The following COX20 variants were observed in gnomAD, a reference collection of about 807,000 sequenced individuals.
COX20 encodes the protein cytochrome c oxidase assembly factor COX20, also known as cytochrome c oxidase assembly protein COX20, mitochondrial.
COX20 carries 14 observed loss-of-function variants against 14.3 expected under a neutral mutation model. That is an observed-to-expected ratio of 0.98 (90% CI 0.65 to 1.53). The LOEUF is 1.53. Among genes scored for constraint, COX20 ranks in the 40% most tolerant of loss-of-function variants. COX20 has a pLI of 0.00. For missense variants in COX20, 149 were observed against 142.1 expected, an observed-to-expected ratio of 1.05 and a Z score of -0.25; for synonymous variants, 56 against 51.7, an observed-to-expected ratio of 1.08 and a Z score of -0.36.
chr1:244,835,608 G>C (rs1679941100), upstream of COX20: 2 of 846,474 alleles, frequency 2.4e-6, no homozygotes, highest in Non-Finnish European at 1.6e-6. Flanking sequence ...GGAACAGGGC[G>C]GGAGGCGGCG....
chr1:244,841,061 T>C (rs1447771020), intron 1 of COX20: 1 of 152,246 alleles, frequency 6.6e-6, no homozygotes, highest in Non-Finnish European at 1.5e-5. Flanking sequence ...CTGTTACTTT[T>C]AAATGTCTGT....
At chr1:244,842,982 A>T (rs1358311157) in intron 3 of COX20, 59 bp from the exon 4 acceptor site, 1 of 1,268,574 alleles carries the variant, frequency 7.9e-7, no homozygotes, top group Non-Finnish European at 1.1e-6. Context: ...GAGAAATTTC[A>T]TAAATTAATT....
In COX20 at chr1:244,835,789, G is replaced by C. The variant is rs1573306602; in HGVS notation, c.42+33G>C. 2.6e-5 allele frequency: 32 copies of C among 1,245,434 alleles called. No individual in the cohort carries two copies. In the East Asian group the frequency reaches 1.0e-3, roughly 39 times the overall value. The allele number at this position is 1,245,434 out of a possible 1,614,324, so 77.1% of individuals were successfully genotyped here. On this transcript the variant is annotated intron_variant, in intron 1 of 3. Coordinates refer to ENST00000411948, the MANE Select transcript of COX20 (RefSeq NM_198076.6). ...GGGGGTCGGCGGGGCGCGCGCCGCG[G>C]GTGGGCGGTGGGTAAGGACGTTCTC...
intron 1 of COX20, among the ~76,000 whole-genome samples, chr1:244,836,749 T>C (rs1169981354): frequency 5.9e-5 from 9 of 152,214 alleles, no homozygotes; most frequent in African/African-American, 2.2e-4. Context: ...TTCTCCCAGC[T>C]TGGAAATTCT....
rs1037772203 is a variant in COX20 at position 244,844,647 on chromosome 1, A to G, written c.*1471A>G. The G allele has an allele frequency of 3.9e-5, 6 of 152,108 alleles. No individual in the cohort carries two copies. Among genetic ancestry groups the G allele is most frequent in the African/African-American group, 9.7e-5 (4 of 41,372 alleles). The allele number at this position is 152,108 out of a possible 1,614,324, so 9.4% of individuals were successfully genotyped here. A position where few individuals can be genotyped will look rare whatever the true frequency, so the allele number is the denominator to read the frequency against. ...GTGGTGCATGCCTGTAGTCCCAGGT[A>G]CTCAGGAGGCTGAGGCAGGAGAATC... On this transcript the variant is annotated 3_prime_UTR_variant, in exon 4 of 4. Coordinates refer to ENST00000411948, the MANE Select transcript of COX20 (RefSeq NM_198076.6).
chr1:244,840,823 A>G (rs1401915590), intron 1 of COX20: 2 of 152,146 alleles, frequency 1.3e-5, no homozygotes, highest in African/African-American at 2.4e-5. Flanking sequence ...TTTGCCTTAC[A>G]ATATATTACC....
At chr1:244,842,931 T>A (rs1035585706) in intron 3 of COX20, 110 bp from the exon 4 acceptor site, 2 of 804,204 alleles carry the variant, frequency 2.5e-6, no homozygotes, top group African/African-American at 3.7e-5. Flanking sequence ...TTTTTCAGTC[T>A]CAGGGTAGTA....
At chr1:244,837,007 T>C (rs1186667964) in intron 1 of COX20, among the ~76,000 whole-genome samples, 3 of 152,024 alleles carry the variant, frequency 2.0e-5, no homozygotes, top group African/African-American at 7.2e-5. Flanking sequence ...AAATCCTAGA[T>C]TCAGTTTTGT....
At chr1:244,842,489 C>T (rs1680247369) in intron 3 of COX20, 2 of 504,630 alleles carry the variant, frequency 4.0e-6, no homozygotes, top group African/African-American at 1.9e-5. Flanking sequence ...TTAGGAAAGC[C>T]TCAACCATTT....
At chr1:244,840,619 A>G (rs1164735015) in intron 1 of COX20, 1 of 152,322 alleles carries the variant, frequency 6.6e-6, no homozygotes, top group Admixed American at 6.5e-5. Flanking sequence ...AGACAGAGGG[A>G]AAAAATGGAA....
rs1482951895 is a variant in COX20 at position 244,844,045 on chromosome 1, A to T, written c.*869A>T. ...TTAAATATAACAAAACACAAGCTAGATGCTTAAGAAATGCTTAAAGAAATA... is the reference window on the plus strand; with the variant it reads ...TTAAATATAACAAAACACAAGCTAGTTGCTTAAGAAATGCTTAAAGAAATA... On this transcript the variant is annotated 3_prime_UTR_variant, in exon 4 of 4. Transcript: ENST00000411948. 1 of 152,230 alleles carries T rather than the reference A, an allele frequency of 6.6e-6. No homozygotes were observed. Among genetic ancestry groups the T allele is most frequent in the Non-Finnish European group, 1.5e-5 (1 of 68,036 alleles). 9.4% of individuals were successfully genotyped at this position (152,230 alleles called of 1,614,324 possible).
chr1:244,836,963 T>TAA (rs71985930), intron 1 of COX20, among the ~76,000 whole-genome samples: 1 of 146,926 alleles, frequency 6.8e-6, no homozygotes, highest in Non-Finnish European at 1.5e-5. Flanking sequence ...GCTTAGTGTT[T>TAA]AAAAAAAAAA....
At position 244,835,755 on chromosome 1, in the gene COX20, A is replaced by G. The variant is rs1057521790; in HGVS notation, c.41A>G (p.Lys14Arg). Reference sequence around the variant, plus strand: ...GAGCCCGGTGAGCCCGAGGAGAGGAAGGTAACCTGGGGGTCGGCGGGGCGC... The same window carrying G: ...GAGCCCGGTGAGCCCGAGGAGAGGAGGGTAACCTGGGGGTCGGCGGGGCGC... ...PPEPGEPEER[K>R]SLKLLGFLDV... The change falls in exon 1 of 4, where the codon AAG (lysine) becomes AGG (arginine). Residue 14 changes from lysine to arginine, a missense_variant and splice_region_variant. Physicochemically the swap from Lys to Arg is conservative, Grantham distance 26. Transcript: ENST00000411948. 107 of 1,228,692 alleles carry G rather than the reference A, an allele frequency of 8.7e-5. No individual in the cohort carries two copies. Among genetic ancestry groups the G allele is most frequent in the East Asian group, 4.8e-4 (14 of 29,168 alleles). The allele number at this position is 1,228,692 out of a possible 1,614,324, so 76.1% of individuals were successfully genotyped here. A position where few individuals can be genotyped will look rare whatever the true frequency, so the allele number is the denominator to read the frequency against.
chr1:244,835,909 C>T (rs940580005), intron 1 of COX20, among the ~76,000 whole-genome samples, 153 bp downstream of exon 1: 2 of 151,900 alleles, frequency 1.3e-5, no homozygotes, highest in Non-Finnish European at 2.9e-5. Flanking sequence ...TATCCCAAGC[C>T]TCCAACATTT....
At chr1:244,839,437 T>G (rs1343775234) in intron 1 of COX20, among the ~76,000 whole-genome samples, 4 of 151,532 alleles carry the variant, frequency 2.6e-5, no homozygotes, top group African/African-American at 9.6e-5. Flanking sequence ...GTCTGACATT[T>G]CCTTAATTTA....
Position 244,835,673 on chromosome 1 carries a change from AC to A in COX20, c.-38del. On this transcript the variant is annotated 5_prime_UTR_variant, in exon 1 of 4. Coordinates refer to ENST00000411948, the MANE Select transcript of COX20 (RefSeq NM_198076.6). Reference sequence around the variant, plus strand: ...GGCCAGCCGGGCTTCTGCTTCCGCGACCCCGGCGGTGCAGGGCGGGTGGAGT... The same window carrying A: ...GGCCAGCCGGGCTTCTGCTTCCGCGACCCGGCGGTGCAGGGCGGGTGGAGT... 8.1e-7 allele frequency: 1 copy of A among 1,230,920 alleles called. No homozygotes were observed. The allele number at this position is 1,230,920 out of a possible 1,614,324, so 76.2% of individuals were successfully genotyped here.
chr1:244,844,617 G>C lies in COX20; in HGVS notation c.*1441G>C, dbSNP rs1234332964. On this transcript the variant is annotated 3_prime_UTR_variant, in exon 4 of 4. Transcript: ENST00000411948. ...GTCTAAAAATACAAAAATTAGCCGG[G>C]CGTGGTGGTGCATGCCTGTAGTCCC... is the stretch of plus-strand genomic sequence containing the variant. The C allele has an allele frequency of 1.3e-5, 2 of 152,190 alleles. No homozygotes were observed. Among genetic ancestry groups the C allele is most frequent in the Non-Finnish European group, 2.9e-5 (2 of 68,074 alleles). The allele number at this position is 152,190 out of a possible 1,614,324, so 9.4% of individuals were successfully genotyped here. A position where few individuals can be genotyped will look rare whatever the true frequency, so the allele number is the denominator to read the frequency against.
chr1:244,842,664 C>T lies in COX20; in HGVS notation c.222-377C>T, dbSNP rs183257024. 13 of 230,672 alleles carry T rather than the reference C, an allele frequency of 5.6e-5. No homozygotes were observed. The East Asian group carries it at 1.4e-3, about 24-fold the overall frequency. The allele number at this position is 230,672 out of a possible 1,614,324, so 14.3% of individuals were successfully genotyped here. On this transcript the variant is annotated intron_variant, in intron 3 of 3. Coordinates refer to ENST00000411948, the MANE Select transcript of COX20 (RefSeq NM_198076.6). The stretch of plus-strand genomic sequence containing the variant: ...TATGTACTATATGGTTCCATTTATA[C>T]ATGAATTTCTACAGTGAGCTATTTA...
chr1:244,837,480 C>T (rs1680030013), intron 1 of COX20, among the ~76,000 whole-genome samples: 1 of 152,092 alleles, frequency 6.6e-6, no homozygotes, highest in Non-Finnish European at 1.5e-5. Context: ...GCTGGCATAC[C>T]TTGATAGAAC....
Sources: gnomAD v4.1 joint callset for allele counts (sites outside exome capture counted in the v4.1 genomes callset) on GRCh38, gnomAD v4.1.1 for gene constraint, MANE v1.5 for transcripts, NCBI Gene and HGNC (gene_info 2026-07-23, HGNC 2026-07-21) for gene names.